Variants in SCHIP1 observed in about 807,000 individuals in gnomAD.
SCHIP1 encodes schwannomin interacting protein 1, also known as schwannomin-interacting protein 1.
A neutral mutation model predicts 29.7 loss-of-function variants in SCHIP1; 8 were observed. The observed-to-expected ratio is 0.27, with a 90% confidence interval of 0.16 to 0.49. The LOEUF (loss-of-function observed/expected upper bound fraction) is 0.49. SCHIP1 is among the 20% of genes least tolerant of loss of function. The probability of loss-of-function intolerance (pLI) is 0.99; values close to 1 mark genes in which losing one functional copy is unlikely to be tolerated. For missense variants in SCHIP1, 193 were observed against 294.6 expected, an observed-to-expected ratio of 0.66 and a Z score of 2.52; for synonymous variants, 76 against 94.9, an observed-to-expected ratio of 0.80 and a Z score of 1.16.
chr3:159,879,624 GAA>G (rs1300487373), intron 2 of SCHIP1, among the ~76,000 whole-genome samples: 4 of 152,190 alleles, frequency 2.6e-5, no homozygotes, highest in Non-Finnish European at 5.9e-5. Flanking sequence ...CCTCGTATCA[GAA>G]GAGGCCTCGT....
the SCHIP1 span, among the ~76,000 whole-genome samples, chr3:159,624,734 A>G: frequency 6.6e-6 from 1 of 152,192 alleles, no homozygotes; most frequent in Non-Finnish European, 1.5e-5. Flanking sequence ...TCTTGAGCTA[A>G]GCTAATAAGA....
At chr3:159,384,773 G>A in the SCHIP1 span, among the ~76,000 whole-genome samples, 1 of 151,934 alleles carries the variant, frequency 6.6e-6, no homozygotes. Context: ...ATTGATTATT[G>A]CCACAATTTC....
the SCHIP1 span, among the ~76,000 whole-genome samples, chr3:159,493,287 A>C: frequency 7.9e-5 from 12 of 152,244 alleles, no homozygotes; most frequent in Non-Finnish European, 1.6e-4. Context: ...AAATGCTCCA[A>C]TTAAAAAGCA....
chr3:159,680,688 TATATATATAATATATATTATATATA>T, the SCHIP1 span, among the ~76,000 whole-genome samples: 1 of 60,838 alleles, frequency 1.6e-5, no homozygotes, highest in African/African-American at 9.7e-5. Context: ...ATAATATATG[TATATATATAATATATATTATATATA>T]ATATATGTAT....
chr3:159,491,549 G>T, the SCHIP1 span, among the ~76,000 whole-genome samples: 1 of 152,188 alleles, frequency 6.6e-6, no homozygotes, highest in Non-Finnish European at 1.5e-5. Flanking sequence ...TGACAGCGAG[G>T]CTGGGGGAGG....
chr3:159,760,577 A>T, the SCHIP1 span, among the ~76,000 whole-genome samples: 3 of 152,228 alleles, frequency 2.0e-5, no homozygotes, highest in East Asian at 5.8e-4. Flanking sequence ...ATCGAGGATT[A>T]TATGAATTAG....
intron 1 of SCHIP1, among the ~76,000 whole-genome samples, chr3:159,845,115 C>T (rs1344582562): frequency 6.6e-6 from 1 of 152,120 alleles, no homozygotes; most frequent in Non-Finnish European, 1.5e-5. Flanking sequence ...CGCTCCAGAC[C>T]CTTTACTCCT....
the SCHIP1 span, among the ~76,000 whole-genome samples, chr3:159,727,913 ACT>A: frequency 6.9e-5 from 10 of 145,478 alleles, no homozygotes. Flanking sequence ...GCTCCAAAAA[ACT>A]TTTTTGTTGT....
the SCHIP1 span, among the ~76,000 whole-genome samples, chr3:159,669,029 C>T: frequency 7.2e-5 from 11 of 152,220 alleles, no homozygotes; most frequent in East Asian, 2.1e-3. Flanking sequence ...CTACAAGAGA[C>T]CAGAATTTTC....
the SCHIP1 span, among the ~76,000 whole-genome samples, chr3:159,401,900 T>G: frequency 6.6e-6 from 1 of 152,164 alleles, no homozygotes; most frequent in Non-Finnish European, 1.5e-5. Context: ...CACCATTTAT[T>G]GAATAGGCAA....
chr3:159,296,298 C>G, the SCHIP1 span, among the ~76,000 whole-genome samples: 169 of 152,196 alleles, frequency 1.1e-3, 2 homozygotes, highest in South Asian at 0.012. Context: ...AGAGGGAGTA[C>G]TTTCTTATTT....
chr3:159,545,057 A>G, the SCHIP1 span, among the ~76,000 whole-genome samples: 100,401 of 151,938 alleles, frequency 0.66, 33,210 homozygotes, highest in South Asian at 0.72. Flanking sequence ...TTCCCAATTG[A>G]ATATGGATAT....
chr3:159,465,580 G>A, the SCHIP1 span, among the ~76,000 whole-genome samples: 1 of 151,844 alleles, frequency 6.6e-6, no homozygotes. Context: ...TTTACCTGGG[G>A]GATAAATACT....
chr3:159,323,692 T>C, the SCHIP1 span, among the ~76,000 whole-genome samples: 1 of 152,216 alleles, frequency 6.6e-6, no homozygotes, highest in African/African-American at 2.4e-5. Flanking sequence ...GCAAAGGCTA[T>C]GTATTCAAAG....
At chr3:159,518,241 AAC>A in the SCHIP1 span, among the ~76,000 whole-genome samples, 1 of 152,132 alleles carries the variant, frequency 6.6e-6, no homozygotes, top group Non-Finnish European at 1.5e-5. Context: ...TAAAAATAAA[AAC>A]ACACCTATGA....
chr3:159,668,332 A>C, the SCHIP1 span, among the ~76,000 whole-genome samples: 1 of 147,956 alleles, frequency 6.8e-6, no homozygotes, highest in East Asian at 2.0e-4. Context: ...AGCCGAGAGC[A>C]CGCAACTGCA....
chr3:159,652,738 G>A, the SCHIP1 span, among the ~76,000 whole-genome samples: 220 of 152,268 alleles, frequency 1.4e-3, no homozygotes, highest in African/African-American at 4.9e-3. Flanking sequence ...CCACATAAGA[G>A]GGTGAGGCAT....
At chr3:159,808,425 G>A in the SCHIP1 span, 1 of 152,246 alleles carries the variant, frequency 6.6e-6, no homozygotes, top group African/African-American at 2.4e-5. Context: ...CAAGGTTTTA[G>A]CTCATGATAT....
chr3:159,521,181 A>G, the SCHIP1 span, among the ~76,000 whole-genome samples: 2 of 152,216 alleles, frequency 1.3e-5, no homozygotes, highest in Non-Finnish European at 2.9e-5. Flanking sequence ...AAGTGACCTC[A>G]TGTCTTCCTT....
Sources: allele counts gnomAD v4.1 joint callset (sites outside exome capture counted in the v4.1 genomes callset), GRCh38; gene constraint gnomAD v4.1.1; transcripts MANE v1.5; gene names NCBI Gene and HGNC (gene_info 2026-07-23, HGNC 2026-07-21).